The following OTX1 variants were observed in gnomAD, a reference collection of about 807,000 sequenced individuals.
The protein encoded by OTX1 is orthodenticle homeobox 1, also known as homeobox protein OTX1.
OTX1 carries 7 observed loss-of-function variants against 26.7 expected under a neutral mutation model. The observed-to-expected ratio is 0.26, with a 90% CI of 0.15 to 0.49. The LOEUF is 0.49. OTX1 is among the 20% of genes least tolerant of loss of function. The probability of loss-of-function intolerance (pLI) is 0.98; values close to 1 mark genes in which losing one functional copy is unlikely to be tolerated. For synonymous variants in OTX1, 216 were observed against 212.8 expected, an observed-to-expected ratio of 1.01 and a Z score of -0.13; for missense variants, 414 against 483.8, an observed-to-expected ratio of 0.86 and a Z score of 1.35.
chr2:63,056,392 C>A lies in OTX1; in HGVS notation c.*76C>A. On this transcript the variant is annotated 3_prime_UTR_variant, in exon 5 of 5. Transcript: ENST00000282549. ...TCCCGATCCTGTTGCTGCTGCTGCA[C>A]CGCCCGCCTTTGCCTCGTCTTCTCC... 7.6e-7 allele frequency: 1 copy of A among 1,315,726 alleles called. No homozygotes were observed. The highest frequency in any genetic ancestry group is 1.1e-6 in the Non-Finnish European group (1 of 944,712). 81.5% of individuals were successfully genotyped at this position (1,315,726 alleles called of 1,614,324 possible).
Position 63,056,020 on chromosome 2 carries a change from T to C in OTX1, c.769T>C (p.Ser257Pro). The C allele has an allele frequency of 6.2e-7, 1 of 1,613,984 alleles. No homozygotes were observed. The highest frequency in any genetic ancestry group is 8.5e-7 in the Non-Finnish European group (1 of 1,180,002). ...DCSSYLAPMH[S>P]HHHPHQLSPM... ...CAGCTCATACCTAGCGCCCATGCACTCACATCACCACCCGCACCAGCTCAG... is the reference window on the plus strand; with the variant it reads ...CAGCTCATACCTAGCGCCCATGCACCCACATCACCACCCGCACCAGCTCAG... Residue 257 changes from serine (S) to proline (P), a missense_variant, in exon 5 of 5, where the codon TCA (serine) becomes CCA (proline). Coordinates refer to ENST00000282549, the MANE Select transcript of OTX1 (RefSeq NM_014562.4).
intron 4 of OTX1, among the ~76,000 whole-genome samples, chr2:63,054,866 T>C (rs952291041): frequency 2.0e-5 from 3 of 151,918 alleles, no homozygotes; most frequent in African/African-American, 7.3e-5. Flanking sequence ...CCTAGAAGAG[T>C]AACCATTCCA....
In OTX1 at chr2:63,056,300, G is replaced by A; in HGVS notation, c.1049G>A (p.Arg350Gln). ...CLDYKDQASW[R>Q]FQVL is the part of the protein sequence containing the mutation. Reference sequence around the variant, plus strand: ...GACTATAAGGACCAAGCCTCATGGCGGTTCCAGGTCTTGTGAGCCCAGGAA... The same window carrying A: ...GACTATAAGGACCAAGCCTCATGGCAGTTCCAGGTCTTGTGAGCCCAGGAA... The change falls in exon 5 of 5, where the codon CGG (arginine) becomes CAG (glutamine). Residue 350 changes from arginine to glutamine, a missense_variant. Transcript: ENST00000282549. The A allele has an allele frequency of 1.2e-6, 2 of 1,612,080 alleles. No homozygotes were observed. Among genetic ancestry groups the A allele is most frequent in the Non-Finnish European group, 1.7e-6 (2 of 1,178,506 alleles).
chr2:63,053,424 A>C, intron 3 of OTX1: 1 of 272,324 alleles, frequency 3.7e-6, no homozygotes, highest in Non-Finnish European at 6.8e-6. Flanking sequence ...TTTCCCCAAC[A>C]TGGAATGTGT....
intron 4 of OTX1, among the ~76,000 whole-genome samples, chr2:63,054,834 C>T (rs1420343593): frequency 6.6e-6 from 1 of 152,212 alleles, no homozygotes; most frequent in Non-Finnish European, 1.5e-5. Flanking sequence ...ACCAGGAATG[C>T]AGTGCCATGT....
intron 3 of OTX1, 99 bp downstream of exon 3, chr2:63,053,186 G>A: frequency 2.5e-6 from 2 of 784,834 alleles, no homozygotes; most frequent in Admixed American, 5.4e-5. Flanking sequence ...AGCAGGCCCA[G>A]GGAGCCGGCT....
chr2:63,054,599 G>C (rs539714571), intron 4 of OTX1, among the ~76,000 whole-genome samples: 1 of 152,216 alleles, frequency 6.6e-6, no homozygotes, highest in Non-Finnish European at 1.5e-5. Context: ...TTCCACCCCG[G>C]GAATCCTAGA....
chr2:63,056,735 C>A lies in OTX1; in HGVS notation c.*419C>A, dbSNP rs948933521. The A allele has an allele frequency of 5.4e-6, 1 of 186,132 alleles. No homozygotes were observed. The highest frequency in any genetic ancestry group is 1.1e-5 in the Non-Finnish European group (1 of 87,130). 11.5% of individuals were successfully genotyped at this position (186,132 alleles called of 1,614,324 possible). ...TCTTTCTGGACACTGGAGTCACTAA[C>A]TGGCGTGTTTCTGCCCATTGGAGCA... On this transcript the variant is annotated 3_prime_UTR_variant, in exon 5 of 5. Coordinates refer to ENST00000282549, the MANE Select transcript of OTX1 (RefSeq NM_014562.4).
At chr2:63,052,800 C>T (rs1243549811) in intron 2 of OTX1, 80 bp from the exon 3 acceptor site, 7 of 557,970 alleles carry the variant, frequency 1.3e-5, no homozygotes, top group Non-Finnish European at 2.2e-5. Context: ...TGTAACCTGC[C>T]TTCCCTGTCT....
chr2:63,053,735 CGT>C (rs139441993), intron 3 of OTX1, among the ~76,000 whole-genome samples: 2 of 151,738 alleles, frequency 1.3e-5, no homozygotes, highest in African/African-American at 4.8e-5. Flanking sequence ...TGTGCGTGTG[CGT>C]GTGTGTGTGC....
At chr2:63,052,281 G>A (rs1019632477) in intron 2 of OTX1, 1 of 152,680 alleles carries the variant, frequency 6.5e-6, no homozygotes, top group Non-Finnish European at 1.5e-5. Context: ...GGTGCGGTGG[G>A]ATTTCGCGTC....
In OTX1 at chr2:63,055,878, C is replaced by T. The variant is rs2062063016; in HGVS notation, c.627C>T (p.Ser209=). The T allele has an allele frequency of 1.2e-6, 2 of 1,612,086 alleles. No homozygotes were observed. The highest frequency in any genetic ancestry group is 1.7e-6 in the Non-Finnish European group (2 of 1,179,846). Reference sequence around the variant, plus strand: ...GCAACACCTCGTGTATGCAGCGCTCCGTAGCTGCAGGCGCCGCCACCGCAG... The same window carrying T: ...GCAACACCTCGTGTATGCAGCGCTCTGTAGCTGCAGGCGCCGCCACCGCAG... The part of the protein sequence containing the change: ...APSNTSCMQR[S]VAAGAATAAA... Residue 209 remains serine (S), a synonymous_variant, in exon 5 of 5, where the codon TCC becomes TCT. Coordinates refer to ENST00000282549, the MANE Select transcript of OTX1 (RefSeq NM_014562.4). This position sits in a 1 kb window ranked among gnomAD's most constrained non-coding sequence, Gnocchi z 5.2.
chr2:63,054,229 T>A (rs772136344), intron 4 of OTX1, 31 bp downstream of exon 4: 1 of 1,546,800 alleles, frequency 6.5e-7, no homozygotes, highest in Non-Finnish European at 8.7e-7. Flanking sequence ...AGGGTCTGGG[T>A]AGGGGAGCTG....
chr2:63,053,241 C>T (rs777445641), intron 3 of OTX1, 154 bp downstream of exon 3: 1 of 539,888 alleles, frequency 1.9e-6, no homozygotes, highest in South Asian at 2.6e-5. Context: ...GGCCCACTGC[C>T]GGCGCATGGG....
At chr2:63,052,414 A>G (rs2062032693) in intron 2 of OTX1, among the ~76,000 whole-genome samples, 2 of 152,270 alleles carry the variant, frequency 1.3e-5, no homozygotes, top group Admixed American at 6.5e-5. Context: ...AAGAAGTGCA[A>G]TTAGCCCTCC....
intron 4 of OTX1, 117 bp downstream of exon 4, chr2:63,054,315 A>C: frequency 3.8e-6 from 4 of 1,040,684 alleles, no homozygotes; most frequent in Non-Finnish European, 5.2e-6. Flanking sequence ...GGGCTTACAG[A>C]CTGGGCAGCC....
At chr2:63,053,719 C>CGT (rs879280827) in intron 3 of OTX1, among the ~76,000 whole-genome samples, 9 of 151,794 alleles carry the variant, frequency 5.9e-5, no homozygotes, top group Non-Finnish European at 1.2e-4. Context: ...TGTGTGTGTG[C>CGT]GTGTGTGTGC....
chr2:63,056,326 T>C lies in OTX1; in HGVS notation c.*10T>C. 6.2e-7 allele frequency: 1 copy of C among 1,600,064 alleles called. No individual in the cohort carries two copies. Among genetic ancestry groups the C allele is most frequent in the African/African-American group, 1.3e-5 (1 of 74,446 alleles). On this transcript the variant is annotated 3_prime_UTR_variant, in exon 5 of 5. Coordinates refer to ENST00000282549, the MANE Select transcript of OTX1 (RefSeq NM_014562.4). The stretch of plus-strand genomic sequence containing the variant: ...GTTCCAGGTCTTGTGAGCCCAGGAA[T>C]GAAAGAGGAGAAGAAACGCAACTAC...
In OTX1 at chr2:63,054,027, GC is replaced by G; in HGVS notation, c.98-15del. 1 of 1,604,622 alleles carries G rather than the reference GC, an allele frequency of 6.2e-7. No individual in the cohort carries two copies. The highest frequency in any genetic ancestry group is 8.5e-7 in the Non-Finnish European group (1 of 1,175,520). On this transcript the variant is annotated intron_variant, in intron 3 of 4. Coordinates refer to ENST00000282549, the MANE Select transcript of OTX1 (RefSeq NM_014562.4). The stretch of plus-strand genomic sequence containing the variant: ...CACGTGGCCACCAATGACCCGCGGC[GC>G]CCCCGCGTGTCCCCGCAGCCACTCC...
Sources: allele counts gnomAD v4.1 joint callset (sites outside exome capture counted in the v4.1 genomes callset), GRCh38; gene constraint gnomAD v4.1.1; non-coding constraint Gnocchi (gnomAD v3.1); transcripts MANE v1.5; gene names NCBI Gene and HGNC (gene_info 2026-07-23, HGNC 2026-07-21).